Variants in PAK1 observed in about 807,000 individuals in gnomAD.
PAK1 encodes serine/threonine-protein kinase PAK 1.
Under a neutral mutation model 67.4 loss-of-function variants are expected in PAK1, and 29 were observed. That is an observed-to-expected ratio of 0.43 (90% CI 0.32 to 0.59). PAK1 has a LOEUF of 0.59. PAK1 is among the 20% of genes least tolerant of loss of function. The pLI is 0.07. For missense variants in PAK1, 337 were observed against 670.7 expected, an observed-to-expected ratio of 0.50 and a Z score of 5.50; for synonymous variants, 223 against 237.4, an observed-to-expected ratio of 0.94 and a Z score of 0.56.
intron 5 of PAK1, among the ~76,000 whole-genome samples, chr11:77,365,123 G>A (rs775318717): frequency 3.3e-5 from 5 of 151,402 alleles, no homozygotes; most frequent in African/African-American, 4.9e-5. Flanking sequence ...GCGGTGGCAC[G>A]TGCCTGTTGT....
the PAK1 span, among the ~76,000 whole-genome samples, chr11:77,494,590 T>TAAA: frequency 8.4e-5 from 11 of 130,570 alleles, no homozygotes; most frequent in African/African-American, 2.5e-4. Context: ...TAGCTACTAT[T>TAAA]AAAAAAAAAA....
intron 1 of PAK1, among the ~76,000 whole-genome samples, chr11:77,417,098 T>C (rs537088790): frequency 6.6e-6 from 1 of 152,370 alleles, no homozygotes; most frequent in Non-Finnish European, 1.5e-5. Context: ...GGCTCATCAC[T>C]GACTGAATCA....
At chr11:77,513,898 G>A in the PAK1 span, among the ~76,000 whole-genome samples, 11 of 151,972 alleles carry the variant, frequency 7.2e-5, no homozygotes, top group Non-Finnish European at 1.5e-4. Context: ...ACATTTATTA[G>A]GTATTTATTA....
chr11:77,491,125 T>TAAAAAAAAAAAAAAAAAAAAAAAAAAAA, the PAK1 span, among the ~76,000 whole-genome samples: 1 of 44,618 alleles, frequency 2.2e-5, no homozygotes. Flanking sequence ...GAATGATCAA[T>TAAAAAAAAAAAAAAAAAAAAAAAAAAAA]AAAAAAAAAA....
intron 14 of PAK1, among the ~76,000 whole-genome samples, chr11:77,330,690 A>G (rs1464978793): frequency 6.6e-6 from 1 of 152,230 alleles, no homozygotes; most frequent in Non-Finnish European, 1.5e-5. Flanking sequence ...CCCTAGAAGA[A>G]AACCTAGGCA....
chr11:77,370,210 T>C (rs984973258), intron 5 of PAK1, among the ~76,000 whole-genome samples: 1 of 152,206 alleles, frequency 6.6e-6, no homozygotes, highest in African/African-American at 2.4e-5. Flanking sequence ...AGAAATTTAC[T>C]CTTGGGATGG....
chr11:77,496,836 G>A, the PAK1 span, among the ~76,000 whole-genome samples: 3,459 of 152,244 alleles, frequency 0.023, 136 homozygotes, highest in African/African-American at 0.078. Flanking sequence ...AGGAGGCTGA[G>A]GTAGGAGAAT....
the PAK1 span, among the ~76,000 whole-genome samples, chr11:77,492,346 C>T: frequency 1.5e-5 from 2 of 137,604 alleles, no homozygotes; most frequent in Admixed American, 1.4e-4. Flanking sequence ...ACAAAAAAAA[C>T]AAAAACAACA....
intron 13 of PAK1, among the ~76,000 whole-genome samples, chr11:77,335,510 A>G (rs1390861501): frequency 1.3e-5 from 2 of 152,204 alleles, no homozygotes; most frequent in East Asian, 1.9e-4. Flanking sequence ...TATTCAGTTC[A>G]TCTTGTCAGC....
the PAK1 span, among the ~76,000 whole-genome samples, chr11:77,501,550 C>T: frequency 3.8e-4 from 58 of 152,340 alleles, no homozygotes; most frequent in African/African-American, 1.3e-3. Context: ...CCACCCTGTT[C>T]CAGTGATCCA....
At chr11:77,357,854 T>C (rs1591900604) in intron 6 of PAK1, among the ~76,000 whole-genome samples, 1 of 152,154 alleles carries the variant, frequency 6.6e-6, no homozygotes, top group Admixed American at 6.6e-5. Context: ...TACATACATA[T>C]GGATTTCCTC....
chr11:77,344,621 C>T (rs1944122206), intron 9 of PAK1, among the ~76,000 whole-genome samples: 1 of 152,092 alleles, frequency 6.6e-6, no homozygotes, highest in African/African-American at 2.4e-5. Flanking sequence ...TCAAAGACAC[C>T]TTGTGTGCTA....
intron 9 of PAK1, among the ~76,000 whole-genome samples, chr11:77,344,307 A>G (rs1456713271): frequency 6.6e-6 from 1 of 152,272 alleles, no homozygotes; most frequent in East Asian, 1.9e-4. Flanking sequence ...AGAGGCTCAT[A>G]CAAAATGCTA....
chr11:77,482,090 G>A, the PAK1 span, among the ~76,000 whole-genome samples: 4 of 152,148 alleles, frequency 2.6e-5, no homozygotes, highest in Non-Finnish European at 4.4e-5. Flanking sequence ...CCGGGTTCAA[G>A]CAATTCTCCT....
chr11:77,450,158 T>A (rs1956793155), intron 1 of PAK1, among the ~76,000 whole-genome samples: 1 of 152,212 alleles, frequency 6.6e-6, no homozygotes, highest in Non-Finnish European at 1.5e-5. Flanking sequence ...ACAGTATATA[T>A]GCTCAGAAGG....
At chr11:77,397,164 C>A (rs1951940407) in intron 1 of PAK1, 1 of 152,206 alleles carries the variant, frequency 6.6e-6, no homozygotes, top group East Asian at 1.9e-4. Flanking sequence ...CCATCCTGGA[C>A]AACAAATGAA....
At chr11:77,457,943 C>G (rs1240896259) in intron 1 of PAK1, among the ~76,000 whole-genome samples, 1 of 152,194 alleles carries the variant, frequency 6.6e-6, no homozygotes, top group East Asian at 1.9e-4. Flanking sequence ...AATTATTATT[C>G]ACTTCTTATC....
At chr11:77,505,933 T>C in the PAK1 span, among the ~76,000 whole-genome samples, 1 of 151,984 alleles carries the variant, frequency 6.6e-6, no homozygotes, top group African/African-American at 2.4e-5. Flanking sequence ...CAGGGACTGG[T>C]GCCTGAGCTG....
intron 1 of PAK1, among the ~76,000 whole-genome samples, chr11:77,424,259 G>C (rs947703226): frequency 2.6e-5 from 4 of 152,192 alleles, no homozygotes; most frequent in African/African-American, 9.6e-5. Flanking sequence ...AAGAAAGTTA[G>C]TTTCCCGTTA....
Sources: gnomAD v4.1 joint callset for allele counts (sites outside exome capture counted in the v4.1 genomes callset) on GRCh38, gnomAD v4.1.1 for gene constraint, MANE v1.5 for transcripts, NCBI Gene and HGNC (gene_info 2026-07-23, HGNC 2026-07-21) for gene names.